AXDND1: variants seen among roughly 807,000 people sequenced by gnomAD.
The protein encoded by AXDND1 is axonemal dynein light chain domain-containing protein 1.
A neutral mutation model predicts 137.5 loss-of-function variants in AXDND1; 110 were observed. The ratio of observed to expected loss-of-function variants is 0.80; its 90% CI spans 0.69 to 0.94. The LOEUF is 0.94. AXDND1 is among the 40% of genes least tolerant of loss of function. AXDND1 has a pLI of 0.00. For synonymous variants in AXDND1, 414 were observed against 399.7 expected (o/e 1.04, Z -0.43); for missense variants, 1,191 against 1,169.8 (o/e 1.02, Z -0.26).
intron 25 of AXDND1, chr1:179,551,004 A>G: frequency 2.6e-6 from 2 of 758,652 alleles, no homozygotes; most frequent in Non-Finnish European, 4.4e-6. Flanking sequence ...CTCTGTCATT[A>G]CATCATTTCA....
chr1:179,458,613 C>A (rs1051925456), intron 16 of AXDND1, among the ~76,000 whole-genome samples: 13 of 151,872 alleles, frequency 8.6e-5, no homozygotes, highest in Admixed American at 7.2e-4. Context: ...GGAAATTGAT[C>A]AGCATAATAC....
intron 9 of AXDND1, among the ~76,000 whole-genome samples, chr1:179,388,043 A>C (rs899106249): frequency 5.9e-5 from 9 of 152,148 alleles, no homozygotes; most frequent in African/African-American, 1.9e-4. Flanking sequence ...CAGAGAGTCA[A>C]CTGGGGTCTT....
At chr1:179,384,160 A>G (rs1016449935) in intron 8 of AXDND1, among the ~76,000 whole-genome samples, 8 of 152,212 alleles carry the variant, frequency 5.3e-5, no homozygotes, top group African/African-American at 1.9e-4. Flanking sequence ...ACTTACAGAA[A>G]AAGTTCAATA....
At chr1:179,452,109 T>C (rs1022015790) in intron 16 of AXDND1, 4 of 153,202 alleles carry the variant, frequency 2.6e-5, no homozygotes, top group Non-Finnish European at 5.8e-5. Context: ...ATATGGACAA[T>C]GAAATCCAGG....
intron 2 of AXDND1, among the ~76,000 whole-genome samples, chr1:179,367,176 G>A (rs1439574882): frequency 6.6e-6 from 1 of 150,472 alleles, no homozygotes; most frequent in Admixed American, 6.6e-5. Context: ...AGCCAGGATC[G>A]AGCCATTGCA....
At position 179,370,712 on chromosome 1, in the gene AXDND1, G is replaced by T. The variant is rs886907054; in HGVS notation, c.374+634G>T. ...CCACTTATCAATTTACTCCATGCATGCGCCCTCACTTAAATGTCCCTTCTA... is the reference window on the plus strand; with the variant it reads ...CCACTTATCAATTTACTCCATGCATTCGCCCTCACTTAAATGTCCCTTCTA... On this transcript the variant is annotated intron_variant, in intron 4 of 25. Transcript: ENST00000367618. 3.9e-5 allele frequency among the ~76,000 whole-genome samples: 6 copies of T among 152,284 alleles called. No individual in the cohort carries two copies. The East Asian group carries it at 1.2e-3, about 29-fold the overall frequency.
chr1:179,468,002 A>G (rs1439744840), intron 16 of AXDND1, among the ~76,000 whole-genome samples: 3 of 152,214 alleles, frequency 2.0e-5, no homozygotes, highest in African/African-American at 7.2e-5. Context: ...AACCCTGATC[A>G]ATAACCTAAA....
At chr1:179,488,618 TTCTC>T (rs1217999406) in intron 18 of AXDND1, among the ~76,000 whole-genome samples, 2 of 86,604 alleles carry the variant, frequency 2.3e-5, no homozygotes, top group South Asian at 9.5e-4. Context: ...CTTTCTTTCT[TTCTC>T]TCTCTCTCTC....
Position 179,366,555 on chromosome 1 carries a change from A to G in AXDND1, c.46A>G (p.Thr16Ala), listed in dbSNP as rs1667428104. Residue 16 changes from threonine (T) to alanine (A), a missense_variant, in exon 2 of 26, where the codon ACA becomes GCA. Physicochemically the swap from Thr to Ala is moderately conservative, Grantham distance 58. Coordinates refer to ENST00000367618, the MANE Select transcript of AXDND1 (RefSeq NM_144696.6). ...CTCCACCCCGCTAAACTCTACATCAACATCTGAGAGCAAAAAGTTAAAAGT... is the reference window on the plus strand; with the variant it reads ...CTCCACCCCGCTAAACTCTACATCAGCATCTGAGAGCAAAAAGTTAAAAGT... ...TPSTPLNSTS[T>A]SESKKLKVSV... is the part of the protein sequence containing the mutation. 1.2e-6 allele frequency: 2 copies of G among 1,613,696 alleles called. No individual in the cohort carries two copies. The highest frequency in any genetic ancestry group is 1.1e-5 in the South Asian group (1 of 91,082).
intron 25 of AXDND1, chr1:179,545,025 G>T (rs771447835): frequency 6.6e-6 from 1 of 152,208 alleles, no homozygotes; most frequent in Non-Finnish European, 1.5e-5. Flanking sequence ...TCTATTTCTT[G>T]CTTTTACTGT....
intron 19 of AXDND1, among the ~76,000 whole-genome samples, chr1:179,492,601 T>G (rs1485457012): frequency 1.3e-5 from 2 of 152,122 alleles, no homozygotes; most frequent in African/African-American, 4.8e-5. Flanking sequence ...CTAAGCAAAT[T>G]TTCCCTTCAT....
Position 179,430,438 on chromosome 1 carries a change from T to A in AXDND1, c.1333-14T>A. The A allele has an allele frequency of 6.3e-7, 1 of 1,583,658 alleles. No individual in the cohort carries two copies. Among genetic ancestry groups the A allele is most frequent in the Non-Finnish European group, 8.6e-7 (1 of 1,166,514 alleles). On this transcript the variant is annotated splice_polypyrimidine_tract_variant and intron_variant, in intron 13 of 25. Coordinates refer to ENST00000367618, the MANE Select transcript of AXDND1 (RefSeq NM_144696.6). Reference sequence around the variant, plus strand: ...TAAATGAATATATTATTTGATTCTATGCATTTTATATAGGACACTGAAGAC... The same window carrying A: ...TAAATGAATATATTATTTGATTCTAAGCATTTTATATAGGACACTGAAGAC...
At chr1:179,369,944 T>G in intron 3 of AXDND1, 31 bp from the exon 4 acceptor site, 1 of 1,517,906 alleles carries the variant, frequency 6.6e-7, no homozygotes, top group South Asian at 1.1e-5. Context: ...CGCCCTCTGC[T>G]GGATATTCAT....
chr1:179,512,145 A>G (rs1283206797), intron 21 of AXDND1, among the ~76,000 whole-genome samples: 2 of 152,294 alleles, frequency 1.3e-5, no homozygotes, highest in East Asian at 1.9e-4. Context: ...GCCTAAGCCA[A>G]TGTCTAGAAG....
chr1:179,392,727 T>A (rs1422998384), intron 9 of AXDND1, among the ~76,000 whole-genome samples: 1 of 152,212 alleles, frequency 6.6e-6, no homozygotes, highest in Non-Finnish European at 1.5e-5. Flanking sequence ...TAATTAGTGA[T>A]GTTGAGTATT....
chr1:179,486,119 CAAAAAA>C (rs1173009992), intron 18 of AXDND1, among the ~76,000 whole-genome samples: 2 of 22,646 alleles, frequency 8.8e-5, no homozygotes, highest in Admixed American at 6.0e-4. Flanking sequence ...AACTCTGTCT[CAAAAAA>C]AAAAAAAAAA....
chr1:179,408,534 T>G (rs75553058), intron 11 of AXDND1, among the ~76,000 whole-genome samples: 3,045 of 152,128 alleles, frequency 0.02, 108 homozygotes, highest in African/African-American at 0.069. Flanking sequence ...GCACATGCCA[T>G]CACACCTGGT....
At chr1:179,466,155 A>T (rs1057210173) in intron 16 of AXDND1, among the ~76,000 whole-genome samples, 1 of 151,970 alleles carries the variant, frequency 6.6e-6, no homozygotes, top group East Asian at 1.9e-4. Context: ...GATGAACCCA[A>T]TACCTCAGTT....
intron 25 of AXDND1, chr1:179,545,372 A>T (rs572072741): frequency 6.6e-6 from 1 of 152,362 alleles, no homozygotes; most frequent in South Asian, 2.1e-4. Context: ...GTCATTGGCC[A>T]TCATTAAACT....
Sources: allele counts gnomAD v4.1 joint callset (sites outside exome capture counted in the v4.1 genomes callset), GRCh38; gene constraint gnomAD v4.1.1; transcripts MANE v1.5; gene names NCBI Gene and HGNC (gene_info 2026-07-23, HGNC 2026-07-21).